The following PARD3B variants were observed in gnomAD, a reference collection of about 807,000 sequenced individuals.
PARD3B encodes the protein partitioning defective 3 homolog B.
A neutral mutation model predicts 130.2 loss-of-function variants in PARD3B; 103 were observed. That is an observed-to-expected ratio of 0.79 (90% CI 0.67 to 0.93). The LOEUF is 0.93. Ranked by LOEUF, PARD3B falls within the 40% of genes least tolerant of loss-of-function variation. PARD3B has a pLI of 0.00. For synonymous variants in PARD3B, 583 were observed against 553.2 expected (o/e 1.05, Z -0.76); for missense variants, 1,609 against 1,499.2 (o/e 1.07, Z -1.21).
chr2:205,186,542 C>T (rs1339317445), intron 14 of PARD3B, among the ~76,000 whole-genome samples: 1 of 151,956 alleles, frequency 6.6e-6, no homozygotes, highest in Non-Finnish European at 1.5e-5. Flanking sequence ...TATTTTATTC[C>T]ATTCTGTGTC....
At chr2:204,644,922 A>G (rs1190555916) in intron 1 of PARD3B, among the ~76,000 whole-genome samples, 1 of 148,772 alleles carries the variant, frequency 6.7e-6, no homozygotes, top group Non-Finnish European at 1.5e-5. Context: ...GAACCAGTAA[A>G]TTTTTTTTTT....
rs554196833 is a variant in PARD3B, at chr2:205,088,948, G to A, written c.505-15478G>A. Among the ~76,000 whole-genome samples, 280 of 150,528 alleles carry A rather than the reference G, an allele frequency of 1.9e-3. 1 individual carries two copies. The highest frequency in any genetic ancestry group is 6.3e-3 in the African/African-American group (260 of 40,956). On this transcript the variant is annotated intron_variant, in intron 4 of 22. Transcript: ENST00000406610. ...AGCTGGGATGGGACTACAGGTGCCC[G>A]CCACCACACCCAGCTAATTTGTTTT...
chr2:205,555,760 G>C (rs1480687029), intron 22 of PARD3B, among the ~76,000 whole-genome samples: 1 of 152,214 alleles, frequency 6.6e-6, no homozygotes, highest in Non-Finnish European at 1.5e-5. Flanking sequence ...GGCAACCAGA[G>C]GCAGCCATGG....
At chr2:204,998,861 G>A (rs1211954700) in intron 3 of PARD3B, among the ~76,000 whole-genome samples, 3 of 152,076 alleles carry the variant, frequency 2.0e-5, no homozygotes, top group African/African-American at 7.2e-5. Flanking sequence ...TTACAGGCAT[G>A]CGCCAACACG....
intron 1 of PARD3B, among the ~76,000 whole-genome samples, chr2:204,680,090 A>C (rs1015774831): frequency 1.3e-5 from 2 of 152,050 alleles, no homozygotes; most frequent in African/African-American, 4.8e-5. Context: ...AAAAGCTGAG[A>C]GAATTTTTCT....
At chr2:205,138,194 T>G (rs1431065710) in intron 10 of PARD3B, among the ~76,000 whole-genome samples, 3 of 152,180 alleles carry the variant, frequency 2.0e-5, no homozygotes, top group Non-Finnish European at 4.4e-5. Flanking sequence ...TTGGGAAATC[T>G]TTTCCCAATA....
intron 2 of PARD3B, among the ~76,000 whole-genome samples, chr2:204,788,519 A>T (rs1212780625): frequency 1.3e-5 from 2 of 152,212 alleles, no homozygotes; most frequent in Admixed American, 1.3e-4. Context: ...CTTATGTTTT[A>T]TCAAATATTT....
Position 205,407,970 on chromosome 2 carries a change from GA to G in PARD3B, c.2741+6855del, listed in dbSNP as rs966879533. On this transcript the variant is annotated intron_variant, in intron 19 of 22. Transcript: ENST00000406610. The surrounding 1 kb of genome is among the most constrained non-coding windows in gnomAD (Gnocchi z 4.1). ...TAGCAGGATACATGAGGAGATGGGA[GA>G]AAAAAAAGATCCAACCTCTTCAGCT... Among the ~76,000 whole-genome samples, 18 of 151,874 alleles carry G rather than the reference GA, an allele frequency of 1.2e-4. No individual in the cohort carries two copies. Among genetic ancestry groups the G allele is most frequent in the African/African-American group, 3.6e-4 (15 of 41,372 alleles).
At chr2:204,547,093 G>C (rs931246383) in intron 1 of PARD3B, among the ~76,000 whole-genome samples, 2 of 152,154 alleles carry the variant, frequency 1.3e-5, no homozygotes, top group Non-Finnish European at 2.9e-5. Flanking sequence ...ATTTGGTCTC[G>C]TGCCATGTGA....
intron 20 of PARD3B, among the ~76,000 whole-genome samples, chr2:205,449,598 A>C (rs2048029946): frequency 6.6e-6 from 1 of 152,144 alleles, no homozygotes; most frequent in Admixed American, 6.5e-5. Context: ...ATGCAAAATA[A>C]CACTTTCTGT....
chr2:204,562,647 G>T (rs572964110), intron 1 of PARD3B, among the ~76,000 whole-genome samples: 1 of 151,976 alleles, frequency 6.6e-6, no homozygotes, highest in African/African-American at 2.4e-5. Context: ...ATTAGGTCTG[G>T]ATTACTTCCT....
chr2:205,456,434 G>A (rs149790897), intron 20 of PARD3B, among the ~76,000 whole-genome samples: 1 of 152,166 alleles, frequency 6.6e-6, no homozygotes, highest in African/African-American at 2.4e-5. Flanking sequence ...CCAGTACTAT[G>A]TTGAGCCACA....
At chr2:205,132,054 T>C in intron 10 of PARD3B, among the ~76,000 whole-genome samples, 1 of 152,250 alleles carries the variant, frequency 6.6e-6, no homozygotes, top group Admixed American at 6.5e-5. Flanking sequence ...AGAGACTAGT[T>C]GTTAGGATTA....
intron 1 of PARD3B, among the ~76,000 whole-genome samples, chr2:204,617,198 A>C (rs1386794964): frequency 6.6e-6 from 1 of 152,176 alleles, no homozygotes; most frequent in African/African-American, 2.4e-5. Context: ...GTAAATTTAT[A>C]CAGGTAAATG....
chr2:204,806,626 A>G (rs1416432004), intron 2 of PARD3B, among the ~76,000 whole-genome samples: 2 of 152,172 alleles, frequency 1.3e-5, no homozygotes, highest in African/African-American at 2.4e-5. Flanking sequence ...ACAGGCAACC[A>G]AAGCAAAAAT....
chr2:204,554,505 A>T (rs1208420526), intron 1 of PARD3B, among the ~76,000 whole-genome samples: 1 of 152,126 alleles, frequency 6.6e-6, no homozygotes, highest in Admixed American at 6.6e-5. Flanking sequence ...TGATCCACAT[A>T]CAGTCATTCT....
intron 4 of PARD3B, among the ~76,000 whole-genome samples, chr2:205,097,906 G>C (rs1702498598): frequency 1.3e-5 from 2 of 151,554 alleles, no homozygotes; most frequent in African/African-American, 4.9e-5. Flanking sequence ...ATTTAGGGAT[G>C]GTATCTTTGA....
chr2:205,437,622 C>T, intron 19 of PARD3B, among the ~76,000 whole-genome samples: 1 of 151,978 alleles, frequency 6.6e-6, no homozygotes, highest in East Asian at 1.9e-4. Flanking sequence ...CAGCTAATGG[C>T]CATTATATTG....
At chr2:204,986,266 G>C (rs1312699599) in intron 3 of PARD3B, among the ~76,000 whole-genome samples, 1 of 152,132 alleles carries the variant, frequency 6.6e-6, no homozygotes. Context: ...CTGCCAGTAT[G>C]TAACCCAACA....
Sources: gnomAD v4.1 joint callset for allele counts (sites outside exome capture counted in the v4.1 genomes callset) on GRCh38, gnomAD v4.1.1 for gene constraint, Gnocchi (gnomAD v3.1) non-coding constraint, MANE v1.5 for transcripts, NCBI Gene and HGNC (gene_info 2026-07-23, HGNC 2026-07-21) for gene names.